The following PDE1A variants were observed in gnomAD, a reference collection of about 807,000 sequenced individuals.
PDE1A encodes phosphodiesterase 1A.
PDE1A carries 35 observed loss-of-function variants against 61.7 expected under a neutral mutation model. That is an observed-to-expected ratio of 0.57 (90% CI 0.43 to 0.75). PDE1A has a LOEUF of 0.75. PDE1A is among the 30% of genes least tolerant of loss of function. The pLI is 0.00. For synonymous variants in PDE1A, 232 were observed against 213.2 expected (o/e 1.09, Z -0.77); for missense variants, 597 against 630.6 (o/e 0.95, Z 0.57).
At chr2:182,642,924 A>G in the PDE1A span, among the ~76,000 whole-genome samples, 1 of 152,216 alleles carries the variant, frequency 6.6e-6, no homozygotes, top group Admixed American at 6.5e-5. Context: ...TTCTGGAGGC[A>G]GGAACAAACA....
intron 1 of PDE1A, among the ~76,000 whole-genome samples, chr2:182,269,224 A>G (rs147800082): frequency 0.011 from 1,653 of 152,218 alleles, 33 homozygotes; most frequent in South Asian, 0.088. Context: ...CTCCTGGCCT[A>G]GAAGACTTCT....
At chr2:182,338,896 G>T (rs1312634778) in intron 1 of PDE1A, among the ~76,000 whole-genome samples, 1 of 152,082 alleles carries the variant, frequency 6.6e-6, no homozygotes, top group African/African-American at 2.4e-5. Flanking sequence ...TTGCCTGACT[G>T]CACCCAATAG....
intron 1 of PDE1A, among the ~76,000 whole-genome samples, chr2:182,271,343 T>C (rs1693010287): frequency 6.6e-6 from 1 of 152,058 alleles, no homozygotes; most frequent in Admixed American, 6.6e-5. Flanking sequence ...CTCTTAAAAA[T>C]GTGTTTACAG....
chr2:182,431,954 A>G (rs986979542), upstream of PDE1A, among the ~76,000 whole-genome samples: 3 of 152,066 alleles, frequency 2.0e-5, no homozygotes, highest in African/African-American at 7.2e-5. Flanking sequence ...CCCTAGAAAC[A>G]TTTCCAAAGG....
the PDE1A span, among the ~76,000 whole-genome samples, chr2:182,695,596 G>A: frequency 1.3e-5 from 2 of 150,182 alleles, no homozygotes; most frequent in Non-Finnish European, 3.0e-5. Context: ...GAACCCGGGA[G>A]GCGGAGCTTG....
chr2:182,197,896 T>C (rs540206863), intron 10 of PDE1A, among the ~76,000 whole-genome samples: 9 of 152,102 alleles, frequency 5.9e-5, no homozygotes, highest in African/African-American at 2.2e-4. Context: ...TAGACTCTTA[T>C]ATTTCTATAC....
the PDE1A span, among the ~76,000 whole-genome samples, chr2:182,534,698 T>G: frequency 1.3e-5 from 2 of 151,812 alleles, no homozygotes; most frequent in East Asian, 3.8e-4. Context: ...TATTAATTTT[T>G]GGCCTATCAT....
intron 7 of PDE1A, among the ~76,000 whole-genome samples, chr2:182,206,293 C>T (rs188215082): frequency 1.4e-4 from 21 of 152,224 alleles, no homozygotes; most frequent in Admixed American, 1.3e-3. Flanking sequence ...GAAGTTGGTA[C>T]AAAATTTCCC....
chr2:182,206,091 A>G (rs1235917625), intron 7 of PDE1A, 26 bp from the exon 8 acceptor site: 5 of 1,589,618 alleles, frequency 3.1e-6, no homozygotes, highest in Non-Finnish European at 3.4e-6. Context: ...AAAATGCCCA[A>G]CAGAGGATTT....
At chr2:182,203,053 C>T (rs1439020531) in intron 8 of PDE1A, among the ~76,000 whole-genome samples, 2 of 152,124 alleles carry the variant, frequency 1.3e-5, no homozygotes, top group Admixed American at 6.5e-5. Context: ...TGGTGGCTCA[C>T]GCCTGTAATC....
intron 1 of PDE1A, among the ~76,000 whole-genome samples, chr2:182,382,954 T>A (rs962346355): frequency 6.6e-6 from 1 of 152,166 alleles, no homozygotes; most frequent in African/African-American, 2.4e-5. Context: ...ATTTAAAGTT[T>A]CCATAGCTAA....
chr2:182,475,693 G>A (rs1201694972), intron 2 of PDE1A, among the ~76,000 whole-genome samples: 2 of 151,702 alleles, frequency 1.3e-5, no homozygotes, highest in Non-Finnish European at 2.9e-5. Context: ...AGATTTTTTT[G>A]TCAACTCTCT....
chr2:182,605,240 G>A, the PDE1A span, among the ~76,000 whole-genome samples: 176 of 152,200 alleles, frequency 1.2e-3, 1 homozygote, highest in Admixed American at 7.2e-3. Flanking sequence ...CCTATCTGTG[G>A]TACTACCCAT....
chr2:182,177,536 G>A (rs924291385), intron 13 of PDE1A, among the ~76,000 whole-genome samples: 2 of 152,074 alleles, frequency 1.3e-5, no homozygotes, highest in Non-Finnish European at 2.9e-5. Context: ...CCTATTGCTT[G>A]TTTTGGTGAG....
At chr2:182,360,660 G>A (rs933566022) in intron 1 of PDE1A, among the ~76,000 whole-genome samples, 2 of 151,282 alleles carry the variant, frequency 1.3e-5, no homozygotes, top group Non-Finnish European at 2.9e-5. Context: ...AAAATATGAC[G>A]ACAAAGTGAA....
intron 1 of PDE1A, among the ~76,000 whole-genome samples, chr2:182,421,863 C>A (rs1031682260): frequency 2.0e-5 from 3 of 152,134 alleles, no homozygotes; most frequent in Admixed American, 2.0e-4. Context: ...TAACCATACC[C>A]ATTAGGTCCA....
chr2:182,167,895 G>C, exon 14 of PDE1A: 1 of 1,063,612 alleles, frequency 9.4e-7, no homozygotes, highest in Non-Finnish European at 1.1e-6. Context: ...GTGAAAACAG[G>C]TGGACCAAGC....
chr2:182,354,365 C>G (rs7599577), intron 1 of PDE1A, among the ~76,000 whole-genome samples: 1 of 152,108 alleles, frequency 6.6e-6, no homozygotes, highest in Non-Finnish European at 1.5e-5. Flanking sequence ...GGGGCACATC[C>G]TATCAATCCT....
rs936519742 is a variant in PDE1A at position 182,391,706 on chromosome 2, G to C, written c.53+34872C>G. Among the ~76,000 whole-genome samples, 22 of 152,212 alleles carry C rather than the reference G, an allele frequency of 1.4e-4. 1 individual carries two copies. The highest frequency in any genetic ancestry group is 4.6e-4 in the African/African-American group (19 of 41,522). On this transcript the variant is annotated intron_variant, in intron 1 of 13. Transcript: ENST00000351439. Reference sequence around the variant, plus strand: ...GGTGGCAGGGGCCAACTGGAGGCACGCAACAGTCAAAGGCAAGGTGGGTGT... The same window carrying C: ...GGTGGCAGGGGCCAACTGGAGGCACCCAACAGTCAAAGGCAAGGTGGGTGT...
Sources: allele counts gnomAD v4.1 joint callset (sites outside exome capture counted in the v4.1 genomes callset), GRCh38; gene constraint gnomAD v4.1.1; transcripts MANE v1.5; gene names NCBI Gene and HGNC (gene_info 2026-07-23, HGNC 2026-07-21).